The following AGAP1 variants were observed in gnomAD, a reference collection of about 807,000 sequenced individuals.
AGAP1 encodes the protein arf-GAP with GTPase, ANK repeat and PH domain-containing protein 1.
AGAP1 carries 29 observed loss-of-function variants against 105.3 expected under a neutral mutation model. The ratio of observed to expected loss-of-function variants is 0.28; its 90% confidence interval spans 0.21 to 0.38. The LOEUF (loss-of-function observed/expected upper bound fraction) is 0.38. Among genes scored for constraint, AGAP1 ranks in the 10% least tolerant of loss-of-function variants. The pLI, the probability that AGAP1 is intolerant of heterozygous loss-of-function variation, is 1.00. For missense variants in AGAP1, 998 were observed against 1,165.1 expected (o/e 0.86, Z 2.09); for synonymous variants, 509 against 485.9 (o/e 1.05, Z -0.63).
rs1410490291 is a variant in AGAP1 at position 235,976,034 on chromosome 2, G to T, written c.1645+7411G>T. 6.6e-6 allele frequency among the ~76,000 whole-genome samples: 1 copy of T among 152,016 alleles called. No homozygotes were observed. The highest frequency in any genetic ancestry group is 1.5e-5 in the Non-Finnish European group (1 of 68,038). ...TCTTCCTGGGAGATACACTGGAAAT[G>T]CAGTAGCGAATGTGGAAAACCAAGA... On this transcript the variant is annotated intron_variant, in intron 13 of 17. Transcript: ENST00000304032. This position sits in a 1 kb window ranked among gnomAD's most constrained non-coding sequence, Gnocchi z 4.5.
intron 13 of AGAP1, among the ~76,000 whole-genome samples, chr2:236,031,130 G>T (rs151284063): frequency 1.5e-4 from 23 of 152,298 alleles, no homozygotes; most frequent in African/African-American, 5.5e-4. Flanking sequence ...AAACTGATTA[G>T]ATATATGAAT....
Position 236,073,543 on chromosome 2 carries a change from C to G in AGAP1, c.2114+24262C>G, listed in dbSNP as rs2058559677. Among the ~76,000 whole-genome samples, 2 of 152,100 alleles carry G rather than the reference C, an allele frequency of 1.3e-5. No individual in the cohort carries two copies. The highest frequency in any genetic ancestry group is 2.4e-5 in the African/African-American group (1 of 41,418). On this transcript the variant is annotated intron_variant, in intron 16 of 17. Coordinates refer to ENST00000304032, the MANE Select transcript of AGAP1 (RefSeq NM_001037131.3). This position sits in a 1 kb window ranked among gnomAD's most constrained non-coding sequence, Gnocchi z 5.4. Reference sequence around the variant, plus strand: ...TGGATTATACCATCTTGGTGTTGCGCCAGTCAGGAGTAATTGTTGTAAGTT... The same window carrying G: ...TGGATTATACCATCTTGGTGTTGCGGCAGTCAGGAGTAATTGTTGTAAGTT...
intron 1 of AGAP1, among the ~76,000 whole-genome samples, chr2:235,503,583 A>C (rs768295654): frequency 6.6e-6 from 1 of 151,262 alleles, no homozygotes; most frequent in Non-Finnish European, 1.5e-5. Flanking sequence ...TATTTCTTGG[A>C]ACTTGTTAGT....
In AGAP1 at chr2:235,552,074, T is replaced by C. The variant is rs966894837; in HGVS notation, c.163+57225T>C. On this transcript the variant is annotated intron_variant, in intron 1 of 17. Transcript: ENST00000304032. This position sits in a 1 kb window ranked among gnomAD's most constrained non-coding sequence, Gnocchi z 5.9. ...GGAGCCTGCAGGGAACTGTTTGTTG[T>C]GTGCTTGGCTGTTCAGTGCCCCATA... is the stretch of plus-strand genomic sequence containing the variant. Among the ~76,000 whole-genome samples, 7 of 152,206 alleles carry C rather than the reference T, an allele frequency of 4.6e-5. No individual in the cohort carries two copies. The highest frequency in any genetic ancestry group is 1.7e-4 in the African/African-American group (7 of 41,456).
intron 12 of AGAP1, among the ~76,000 whole-genome samples, chr2:235,950,059 AC>A (rs1472148040): frequency 6.6e-6 from 1 of 152,134 alleles, no homozygotes; most frequent in Non-Finnish European, 1.5e-5. Flanking sequence ...ATGCTTGGGC[AC>A]AGAGAGTGAG....
At position 236,104,741 on chromosome 2, in the gene AGAP1, T is replaced by G. The variant is rs2059442824; in HGVS notation, c.2115-15451T>G. Among the ~76,000 whole-genome samples the G allele has an allele frequency of 6.6e-6, 1 of 152,006 alleles. No individual in the cohort carries two copies. The highest frequency in any genetic ancestry group is 1.5e-5 in the Non-Finnish European group (1 of 68,012). On this transcript the variant is annotated intron_variant, in intron 16 of 17. Transcript: ENST00000304032. This position sits in a 1 kb window ranked among gnomAD's most constrained non-coding sequence, Gnocchi z 4.7. ...CCGTCTCTACCAAAAATACAAAAATTAGCTGGGCATGGTGATGCGTGCCTG... is the reference window on the plus strand; with the variant it reads ...CCGTCTCTACCAAAAATACAAAAATGAGCTGGGCATGGTGATGCGTGCCTG...
intron 1 of AGAP1, among the ~76,000 whole-genome samples, chr2:235,530,329 G>A (rs1942998394): frequency 1.3e-5 from 2 of 152,164 alleles, no homozygotes; most frequent in Admixed American, 1.3e-4. Flanking sequence ...GCTTTAGATA[G>A]GTAGTAGTTA....
chr2:236,124,082 A>G lies in AGAP1; in HGVS notation c.2534A>G (p.Asn845Ser). ...CCTAACCTGTCCAGGAGAAACAATA[A>G]CCGGAACAACAGCAGTGGGAGGGTG... ...ATPNLSRRNN[N>S]RNNSSGRVPT... Residue 845 changes from asparagine (N) to serine (S), a missense_variant, in exon 18 of 18, where the codon AAC becomes AGC. Asn to Ser is a conservative substitution (Grantham distance 46). Coordinates refer to ENST00000304032, the MANE Select transcript of AGAP1 (RefSeq NM_001037131.3). The surrounding 1 kb of genome is among the most constrained non-coding windows in gnomAD (Gnocchi z 5.1). 3 of 1,613,978 alleles carry G rather than the reference A, an allele frequency of 1.9e-6. No individual in the cohort carries two copies. Among genetic ancestry groups the G allele is most frequent in the Non-Finnish European group, 1.7e-6 (2 of 1,179,934 alleles).
chr2:236,061,761 C>T lies in AGAP1; in HGVS notation c.2114+12480C>T, dbSNP rs982332635. ...AGTACGAAACTTCTTTTGGAGACAACGAAAATGATCTGGATTTACATAGTA... is the reference window on the plus strand; with the variant it reads ...AGTACGAAACTTCTTTTGGAGACAATGAAAATGATCTGGATTTACATAGTA... On this transcript the variant is annotated intron_variant, in intron 16 of 17. Transcript: ENST00000304032. This position sits in a 1 kb window ranked among gnomAD's most constrained non-coding sequence, Gnocchi z 4.1. Among the ~76,000 whole-genome samples, 2 of 151,062 alleles carry T rather than the reference C, an allele frequency of 1.3e-5. No homozygotes were observed. The highest frequency in any genetic ancestry group is 2.9e-5 in the Non-Finnish European group (2 of 67,936).
chr2:235,801,064 C>T lies in AGAP1; in HGVS notation c.957+1542C>T, dbSNP rs1237289419. 1.3e-5 allele frequency among the ~76,000 whole-genome samples: 2 copies of T among 152,190 alleles called. No homozygotes were observed. Among genetic ancestry groups the T allele is most frequent in the Non-Finnish European group, 2.9e-5 (2 of 68,034 alleles). ...GCAGTCTCTCATTGGATGCTCATGA[C>T]TGCGGAGGCGGTTGCCAGCTGCACA... On this transcript the variant is annotated intron_variant, in intron 8 of 17. Coordinates refer to ENST00000304032, the MANE Select transcript of AGAP1 (RefSeq NM_001037131.3). This position sits in a 1 kb window ranked among gnomAD's most constrained non-coding sequence, Gnocchi z 6.0.
At position 235,883,260 on chromosome 2, in the gene AGAP1, C is replaced by A; in HGVS notation, c.1051-85C>A. The A allele has an allele frequency of 8.7e-7, 1 of 1,151,338 alleles. No individual in the cohort carries two copies. Among genetic ancestry groups the A allele is most frequent in the Non-Finnish European group, 1.3e-6 (1 of 776,166 alleles). The allele number at this position is 1,151,338 out of a possible 1,614,324, so 71.3% of individuals were successfully genotyped here. Reference sequence around the variant, plus strand: ...AGTGAAGTTCTGCACACACACAGAACTTGAATGTATATGTTGCCTGTGTAC... The same window carrying A: ...AGTGAAGTTCTGCACACACACAGAAATTGAATGTATATGTTGCCTGTGTAC... On this transcript the variant is annotated intron_variant, in intron 9 of 17. Transcript: ENST00000304032. The surrounding 1 kb of genome is among the most constrained non-coding windows in gnomAD (Gnocchi z 4.5).
intron 12 of AGAP1, among the ~76,000 whole-genome samples, chr2:235,947,693 C>T (rs1011779933): frequency 6.6e-6 from 1 of 152,180 alleles, no homozygotes; most frequent in African/African-American, 2.4e-5. Context: ...CCTCTATTCT[C>T]AAAGCCTAGA....
At chr2:235,918,505 A>G (rs568552997) in intron 11 of AGAP1, among the ~76,000 whole-genome samples, 1 of 152,350 alleles carries the variant, frequency 6.6e-6, no homozygotes, top group African/African-American at 2.4e-5. Context: ...TTCAGCTTTT[A>G]TGAGCAATGC....
At position 235,788,877 on chromosome 2, in the gene AGAP1, A is replaced by G. The variant is rs1956806785; in HGVS notation, c.674-8882A>G. On this transcript the variant is annotated intron_variant, in intron 6 of 17. Coordinates refer to ENST00000304032, the MANE Select transcript of AGAP1 (RefSeq NM_001037131.3). The surrounding 1 kb of genome is among the most constrained non-coding windows in gnomAD (Gnocchi z 6.0). ...ATCTCTCAGTGGGGTGAACGTTTGCATGTTGGTGCTTCTGAACACAGGATC... is the reference window on the plus strand; with the variant it reads ...ATCTCTCAGTGGGGTGAACGTTTGCGTGTTGGTGCTTCTGAACACAGGATC... Among the ~76,000 whole-genome samples, 1 of 152,128 alleles carries G rather than the reference A, an allele frequency of 6.6e-6. No homozygotes were observed.
Position 235,635,239 on chromosome 2 carries a change from G to A in AGAP1, c.164-73940G>A, listed in dbSNP as rs114177036. Among the ~76,000 whole-genome samples the A allele has an allele frequency of 6.1e-3, 922 of 152,216 alleles. 11 individuals carry two copies. The highest frequency in any genetic ancestry group is 0.021 in the African/African-American group (869 of 41,520). ...CAGTGGGTCGGTCAAACCTTTCCAA[G>A]CCTCCGTGTCCTCATCTGAAAATGG... On this transcript the variant is annotated intron_variant, in intron 1 of 17. Transcript: ENST00000304032. This position sits in a 1 kb window ranked among gnomAD's most constrained non-coding sequence, Gnocchi z 5.3.
Position 235,631,768 on chromosome 2 carries a change from G to A in AGAP1, c.164-77411G>A, listed in dbSNP as rs1052330137. Among the ~76,000 whole-genome samples, 2 of 152,346 alleles carry A rather than the reference G, an allele frequency of 1.3e-5. No individual in the cohort carries two copies. The highest frequency in any genetic ancestry group is 1.9e-4 in the East Asian group (1 of 5,170). The stretch of plus-strand genomic sequence containing the variant: ...CTTGGAGCTGCCTGTGGCAGGTGGC[G>A]GTGCTAATTAAGTTCCGGCTGTTGT... On this transcript the variant is annotated intron_variant, in intron 1 of 17. Coordinates refer to ENST00000304032, the MANE Select transcript of AGAP1 (RefSeq NM_001037131.3). The surrounding 1 kb of genome is among the most constrained non-coding windows in gnomAD (Gnocchi z 5.4).
At chr2:235,641,800 G>A (rs1405275605) in intron 1 of AGAP1, among the ~76,000 whole-genome samples, 1 of 152,184 alleles carries the variant, frequency 6.6e-6, no homozygotes, top group Non-Finnish European at 1.5e-5. Context: ...ACCTGATTCA[G>A]TATTCTGTGT....
At chr2:235,497,826 A>G (rs1258865483) in intron 1 of AGAP1, among the ~76,000 whole-genome samples, 3 of 152,034 alleles carry the variant, frequency 2.0e-5, no homozygotes, top group South Asian at 2.1e-4. Flanking sequence ...TCCGTCTCCT[A>G]ACCTCGTGAT....
chr2:235,826,185 G>A (rs1232367897), intron 9 of AGAP1, among the ~76,000 whole-genome samples: 5 of 152,290 alleles, frequency 3.3e-5, no homozygotes, highest in Non-Finnish European at 7.3e-5. Context: ...ATGGCAGAGC[G>A]TTGGCATGCT....
Sources: allele counts gnomAD v4.1 joint callset (sites outside exome capture counted in the v4.1 genomes callset), GRCh38; gene constraint gnomAD v4.1.1; non-coding constraint Gnocchi (gnomAD v3.1); transcripts MANE v1.5; gene names NCBI Gene and HGNC (gene_info 2026-07-23, HGNC 2026-07-21).